PRKCQ: variants seen among roughly 807,000 people sequenced by gnomAD.
PRKCQ encodes protein kinase C theta, also known as protein kinase C theta type.
In PRKCQ, 41 loss-of-function variants were observed where a neutral mutation model predicts 91.2. That is an observed-to-expected ratio of 0.45 (90% CI 0.35 to 0.58). The LOEUF (loss-of-function observed/expected upper bound fraction) is 0.58. PRKCQ is among the 20% of genes least tolerant of loss of function. The pLI is 0.00. For missense variants in PRKCQ, 673 were observed against 896.5 expected (o/e 0.75, Z 3.18); for synonymous variants, 307 against 316.9 (o/e 0.97, Z 0.33).
At chr10:6,525,428 T>A (rs1206697292) in intron 1 of PRKCQ, among the ~76,000 whole-genome samples, 2 of 152,076 alleles carry the variant, frequency 1.3e-5, no homozygotes, top group Non-Finnish European at 2.9e-5. Context: ...AAATACTTTT[T>A]AAAAAAACTT....
chr10:6,462,832 C>G (rs530261493), intron 13 of PRKCQ, among the ~76,000 whole-genome samples: 1 of 152,124 alleles, frequency 6.6e-6, no homozygotes, highest in East Asian at 1.9e-4. Context: ...TGGTGAAACA[C>G]CATCTCTAGT....
chr10:6,480,446 A>G (rs1836535799), intron 11 of PRKCQ, among the ~76,000 whole-genome samples: 1 of 152,246 alleles, frequency 6.6e-6, no homozygotes, highest in Admixed American at 6.5e-5. Context: ...GGAGGGTTTC[A>G]ACAATTTTAG....
At chr10:6,453,614 T>C (rs1344697394) in intron 15 of PRKCQ, among the ~76,000 whole-genome samples, 7 of 152,344 alleles carry the variant, frequency 4.6e-5, no homozygotes, top group Non-Finnish European at 7.3e-5. Flanking sequence ...TAAAGACACA[T>C]GCACACATCT....
At chr10:6,480,836 T>A (rs72781763) in intron 11 of PRKCQ, among the ~76,000 whole-genome samples, 37,017 of 152,150 alleles carry the variant, frequency 0.24, 4,973 homozygotes, top group Middle Eastern at 0.31. Flanking sequence ...CGTAGCTTGA[T>A]GGTAGCTGAC....
intron 1 of PRKCQ, among the ~76,000 whole-genome samples, chr10:6,575,973 G>A (rs1841217942): frequency 1.3e-5 from 2 of 152,172 alleles, no homozygotes; most frequent in South Asian, 4.2e-4. Context: ...CTGGGAGGTA[G>A]AGGTTGCAGT....
At chr10:6,550,567 C>T (rs1840143973) in intron 1 of PRKCQ, among the ~76,000 whole-genome samples, 2 of 152,248 alleles carry the variant, frequency 1.3e-5, no homozygotes, top group African/African-American at 4.8e-5. Context: ...AACCACTGTG[C>T]CCAGCCTCCA....
chr10:6,557,088 C>T (rs186530243), intron 1 of PRKCQ, among the ~76,000 whole-genome samples: 96 of 152,324 alleles, frequency 6.3e-4, no homozygotes, highest in Middle Eastern at 6.8e-3. Flanking sequence ...AAACACCCTC[C>T]GGTTTTGCAA....
downstream of PRKCQ, among the ~76,000 whole-genome samples, chr10:6,425,225 A>ATTTTTT (rs34277466): frequency 7.3e-6 from 1 of 137,692 alleles, no homozygotes; most frequent in Admixed American, 7.3e-5. Flanking sequence ...TCTCTCCTCT[A>ATTTTTT]TTTTTTTTTT....
At chr10:6,425,285 C>A (rs1239811731), downstream of PRKCQ, among the ~76,000 whole-genome samples, 1 of 149,654 alleles carries the variant, frequency 6.7e-6, no homozygotes, top group Middle Eastern at 3.4e-3. Flanking sequence ...AGTGCAGTAG[C>A]GCGATCTCAG....
rs5782902 is a variant in PRKCQ, at chr10:6,492,238, T to TA, written c.661-427dup. On this transcript the variant is annotated intron_variant, in intron 7 of 17. Coordinates refer to ENST00000263125, the MANE Select transcript of PRKCQ (RefSeq NM_006257.5). ...TAGTGCTTTTAACCTTTGGAAGATG[T>TA]AAAAAAAAAAAAAAAAAATGCCTTC... Among the ~76,000 whole-genome samples, 1,341 of 147,392 alleles carry TA rather than the reference T, an allele frequency of 9.1e-3. 14 individuals are homozygous for TA. The highest frequency in any genetic ancestry group is 0.027 in the African/African-American group (1,083 of 40,268).
chr10:6,418,626 C>T, the PRKCQ span, among the ~76,000 whole-genome samples: 1 of 152,146 alleles, frequency 6.6e-6, no homozygotes, highest in Non-Finnish European at 1.5e-5. Flanking sequence ...ATTACAGGAC[C>T]ATAGAGTCAG....
intron 4 of PRKCQ, among the ~76,000 whole-genome samples, chr10:6,505,988 T>C (rs1258805555): frequency 1.3e-5 from 2 of 152,162 alleles, no homozygotes; most frequent in African/African-American, 2.4e-5. Context: ...TTTAAACTAA[T>C]GGGAGGAATG....
chr10:6,425,621 G>A (rs1485147121), downstream of PRKCQ, among the ~76,000 whole-genome samples: 3 of 152,184 alleles, frequency 2.0e-5, no homozygotes, highest in African/African-American at 4.8e-5. Context: ...TCAGAAATAC[G>A]AAGCAAATAG....
chr10:6,430,933 G>A lies in PRKCQ; in HGVS notation c.1842C>T (p.Phe614=), dbSNP rs763109902. The change falls in exon 17 of 18, where the codon TTC becomes TTT. Residue 614 remains phenylalanine (F), a synonymous_variant. Coordinates refer to ENST00000263125, the MANE Select transcript of PRKCQ (RefSeq NM_006257.5). This position sits in a 1 kb window ranked among gnomAD's most constrained non-coding sequence, Gnocchi z 4.7. The part of the protein sequence containing the change: ...KEAKDLLVKL[F]VREPEKRLGV... ...CCAGCCTCTTCTCAGGTTCTCGCAC[G>A]AAGAGCTGAAAGGGAGCAGAGCAGG... The A allele has an allele frequency of 1.1e-5, 18 of 1,613,786 alleles. No homozygotes were observed. In the Admixed American group the frequency reaches 2.2e-4, roughly 19 times the overall value.
At chr10:6,412,728 A>G in the PRKCQ span, among the ~76,000 whole-genome samples, 1 of 152,224 alleles carries the variant, frequency 6.6e-6, no homozygotes, top group African/African-American at 2.4e-5. Flanking sequence ...ATCTCACGTC[A>G]TATATTAAAT....
intron 1 of PRKCQ, among the ~76,000 whole-genome samples, chr10:6,517,548 C>G (rs908706950): frequency 6.1e-5 from 8 of 131,502 alleles, no homozygotes; most frequent in African/African-American, 2.3e-4. Context: ...CTGTTTCCAA[C>G]TTCTACATGC....
chr10:6,551,637 C>A (rs1053477296), intron 1 of PRKCQ, among the ~76,000 whole-genome samples: 2 of 152,138 alleles, frequency 1.3e-5, no homozygotes, highest in African/African-American at 4.8e-5. Context: ...ACCTTGTGAT[C>A]CGCCTGCCTC....
intron 16 of PRKCQ, among the ~76,000 whole-genome samples, chr10:6,437,251 C>T (rs1220368875): frequency 1.3e-5 from 2 of 152,210 alleles, no homozygotes; most frequent in Non-Finnish European, 2.9e-5. Context: ...GGAGATAATT[C>T]GGGTTAAATG....
chr10:6,450,726 C>T (rs1489119123), intron 15 of PRKCQ, among the ~76,000 whole-genome samples: 2 of 152,138 alleles, frequency 1.3e-5, no homozygotes, highest in East Asian at 3.9e-4. Context: ...AACAAACTGT[C>T]TCTCAGACCA....
Sources: gnomAD v4.1 joint callset for allele counts (sites outside exome capture counted in the v4.1 genomes callset) on GRCh38, gnomAD v4.1.1 for gene constraint, Gnocchi (gnomAD v3.1) non-coding constraint, MANE v1.5 for transcripts, NCBI Gene and HGNC (gene_info 2026-07-23, HGNC 2026-07-21) for gene names.